CLPP: variants seen among roughly 807,000 people sequenced by gnomAD.
CLPP encodes ATP-dependent Clp protease proteolytic subunit, mitochondrial.
In CLPP, 14 loss-of-function variants were observed where a neutral mutation model predicts 27.4. The ratio of observed to expected loss-of-function variants is 0.51; its 90% confidence interval spans 0.34 to 0.80. The LOEUF (loss-of-function observed/expected upper bound fraction) is 0.80. CLPP is among the 30% of genes least tolerant of loss of function. CLPP has a pLI of 0.02. For missense variants in CLPP, 361 were observed against 403.6 expected (o/e 0.89, Z 0.90); for synonymous variants, 193 against 166.6 (o/e 1.16, Z -1.22).
At chr19:6,365,431 G>A (rs539654373) in intron 4 of CLPP, among the ~76,000 whole-genome samples, 11 of 152,114 alleles carry the variant, frequency 7.2e-5, no homozygotes, top group Admixed American at 2.0e-4. Context: ...CTGAGATTGC[G>A]CCACTGCACT....
At chr19:6,362,346 C>T in intron 2 of CLPP, 100 bp from the exon 3 acceptor site, 2 of 797,430 alleles carry the variant, frequency 2.5e-6, no homozygotes, top group Non-Finnish European at 4.3e-6. Flanking sequence ...TTACTTTGGG[C>T]TCTGGTCCCC....
rs1417548423 is a variant in CLPP, at chr19:6,366,350, C to T, written c.648C>T (p.Ser216=). Residue 216 remains serine, a synonymous_variant, in exon 5 of 6, where the codon AGC becomes AGT. Transcript: ENST00000245816. ...TCTACGCCAAGCACACCAAACAGAG[C>T]CTGCAGGTGATCGGTAAGCACCCTC... ...YNIYAKHTKQ[S]LQVIESAMER... 11 of 1,610,874 alleles carry T rather than the reference C, an allele frequency of 6.8e-6. No homozygotes were observed. Among genetic ancestry groups the T allele is most frequent in the Non-Finnish European group, 9.3e-6 (11 of 1,178,088 alleles).
chr19:6,367,832 A>T (rs1483663004), intron 5 of CLPP, among the ~76,000 whole-genome samples: 1 of 151,048 alleles, frequency 6.6e-6, no homozygotes, highest in African/African-American at 2.4e-5. Flanking sequence ...CCTCCCTAGT[A>T]GCTGGGATTA....
In CLPP at chr19:6,368,802, GA is replaced by G; in HGVS notation, c.*93del. 1 of 1,256,566 alleles carries G rather than the reference GA, an allele frequency of 8.0e-7. No homozygotes were observed. Among genetic ancestry groups the G allele is most frequent in the Non-Finnish European group, 1.1e-6 (1 of 919,514 alleles). The allele number at this position is 1,256,566 out of a possible 1,614,324, so 77.8% of individuals were successfully genotyped here. On this transcript the variant is annotated 3_prime_UTR_variant, in exon 6 of 6. Coordinates refer to ENST00000245816, the MANE Select transcript of CLPP (RefSeq NM_006012.4). The stretch of plus-strand genomic sequence containing the variant: ...TGCTCACCCCTTGTTGCTGGGCTTG[GA>G]GGGGCCTCTTGAGGAACTTTTAATT...
rs976491753 is a variant in CLPP, at chr19:6,362,271, C to A, written c.271-175C>A. On this transcript the variant is annotated intron_variant, in intron 2 of 5. Transcript: ENST00000245816. ...CTCCCCCCTTCCTGTGCTCCAAACC[C>A]CCTGGGTCCTCTCCACTACTCTCTC... 2.8e-5 allele frequency: 17 copies of A among 611,272 alleles called. No homozygotes were observed. The African/African-American group carries it at 2.8e-4, about 10-fold the overall frequency. 37.9% of individuals were successfully genotyped at this position (611,272 alleles called of 1,614,324 possible). A position where few individuals can be genotyped will look rare whatever the true frequency, so the allele number is the denominator to read the frequency against.
chr19:6,366,641 G>T lies in CLPP; in HGVS notation c.661+278G>T, dbSNP rs539821177. 3.0e-4 allele frequency among the ~76,000 whole-genome samples: 45 copies of T among 151,938 alleles called. 1 individual carries two copies. Among genetic ancestry groups the T allele is most frequent in the South Asian group, 8.3e-4 (4 of 4,806 alleles). ...GAGGTTACAGTGAGCTAATTTTTTT[G>T]TTTGTTTGTTTTTTTGAGACAAGGT... On this transcript the variant is annotated intron_variant, in intron 5 of 5. Transcript: ENST00000245816.
intron 3 of CLPP, among the ~76,000 whole-genome samples, chr19:6,363,857 T>C (rs1156385334): frequency 6.7e-6 from 1 of 149,106 alleles, no homozygotes; most frequent in Non-Finnish European, 1.5e-5. Context: ...ATCGCGCTAC[T>C]GCACTCCAGC....
intron 2 of CLPP, 100 bp downstream of exon 2, chr19:6,362,040 C>T (rs377582066): frequency 8.6e-7 from 1 of 1,161,354 alleles, no homozygotes; most frequent in Admixed American, 2.1e-5. Flanking sequence ...CCCTCAGGCT[C>T]CGCTCCCCTT....
Position 6,368,659 on chromosome 19 carries a change from G to A in CLPP, c.783G>A (p.Lys261=). ...AGGATGAGCCCACGCTGGTGCAGAA[G>A]GAGCCTGTAGAAGCAGCGCCGGCAG... ...DGEDEPTLVQ[K]EPVEAAPAAE... Residue 261 remains lysine, a synonymous_variant, in exon 6 of 6, where the codon AAG becomes AAA. Transcript: ENST00000245816. 2 of 1,595,070 alleles carry A rather than the reference G, an allele frequency of 1.3e-6. No individual in the cohort carries two copies. Among genetic ancestry groups the A allele is most frequent in the East Asian group, 2.3e-5 (1 of 43,674 alleles).
intron 2 of CLPP, chr19:6,362,204 G>A (rs1402085651): frequency 3.3e-6 from 2 of 599,008 alleles, no homozygotes; most frequent in Non-Finnish European, 5.9e-6. Context: ...ACTCTCCCCA[G>A]CCATTCTCAC....
rs2091874239 is a variant in CLPP at position 6,368,765 on chromosome 19, C to T, written c.*55C>T. On this transcript the variant is annotated 3_prime_UTR_variant, in exon 6 of 6. Coordinates refer to ENST00000245816, the MANE Select transcript of CLPP (RefSeq NM_006012.4). ...GAGGGGCCAGAGGCCTGCCAGACCC[C>T]CAGCTGGGCCCTGCTCACCCCTTGT... is the stretch of plus-strand genomic sequence containing the variant. 1 of 1,494,486 alleles carries T rather than the reference C, an allele frequency of 6.7e-7. No homozygotes were observed. The highest frequency in any genetic ancestry group is 1.2e-5 in the South Asian group (1 of 80,912). The allele number at this position is 1,494,486 out of a possible 1,614,324, so 92.6% of individuals were successfully genotyped here. A position where few individuals can be genotyped will look rare whatever the true frequency, so the allele number is the denominator to read the frequency against.
rs950416670 is a variant in CLPP at position 6,369,548 on chromosome 19, G to A, written c.*838G>A. On this transcript the variant is annotated 3_prime_UTR_variant, in exon 6 of 6. Coordinates refer to ENST00000245816, the MANE Select transcript of CLPP (RefSeq NM_006012.4). The stretch of plus-strand genomic sequence containing the variant: ...TTGAGCAAAGCCTCAAAGGAGGTGA[G>A]GGGTGGAGCCTGTGTCCAGGCAGAG... Among the ~76,000 whole-genome samples, 8 of 152,326 alleles carry A rather than the reference G, an allele frequency of 5.3e-5. No individual in the cohort carries two copies. The highest frequency in any genetic ancestry group is 4.1e-4 in the South Asian group (2 of 4,828).
chr19:6,368,783 C>T lies in CLPP; in HGVS notation c.*73C>T. On this transcript the variant is annotated 3_prime_UTR_variant, in exon 6 of 6. Transcript: ENST00000245816. ...CAGACCCCCAGCTGGGCCCTGCTCA[C>T]CCCTTGTTGCTGGGCTTGGAGGGGC... is the stretch of plus-strand genomic sequence containing the variant. 7.1e-7 allele frequency: 1 copy of T among 1,410,550 alleles called. No individual in the cohort carries two copies. The highest frequency in any genetic ancestry group is 9.6e-7 in the Non-Finnish European group (1 of 1,047,000). The allele number at this position is 1,410,550 out of a possible 1,614,324, so 87.4% of individuals were successfully genotyped here.
intron 5 of CLPP, among the ~76,000 whole-genome samples, chr19:6,367,194 G>A (rs1173159067): frequency 6.6e-6 from 1 of 151,962 alleles, no homozygotes; most frequent in East Asian, 1.9e-4. Context: ...GACCAACATG[G>A]TGAAACCCCG....
intron 4 of CLPP, 93 bp from the exon 5 acceptor site, chr19:6,366,165 C>T: frequency 1.3e-6 from 1 of 779,044 alleles, no homozygotes; most frequent in Non-Finnish European, 2.2e-6. Flanking sequence ...GCCCAAAGCC[C>T]AGGGAAGCTC....
In CLPP at chr19:6,364,444, G is replaced by T; in HGVS notation, c.368-8G>T. On this transcript the variant is annotated splice_region_variant and splice_polypyrimidine_tract_variant and intron_variant, in intron 3 of 5. Transcript: ENST00000245816. ...GGTCCAGCCCCTCACTTGCTCCCCCGCCCACAGGTGGTGTGGTGACCGCGG... is the reference window on the plus strand; with the variant it reads ...GGTCCAGCCCCTCACTTGCTCCCCCTCCCACAGGTGGTGTGGTGACCGCGG... 6.2e-7 allele frequency: 1 copy of T among 1,601,584 alleles called. No homozygotes were observed. Among genetic ancestry groups the T allele is most frequent in the Non-Finnish European group, 8.5e-7 (1 of 1,175,834 alleles).
intron 3 of CLPP, among the ~76,000 whole-genome samples, chr19:6,363,782 C>A (rs375070087): frequency 1.3e-5 from 2 of 151,422 alleles, no homozygotes; most frequent in South Asian, 2.1e-4. Context: ...TGTAATCCAG[C>A]TACTCGGGAG....
At chr19:6,365,964 C>G (rs77267680) in intron 4 of CLPP, among the ~76,000 whole-genome samples, 1 of 148,550 alleles carries the variant, frequency 6.7e-6, no homozygotes, top group Admixed American at 6.7e-5. Context: ...AAAAAAAAAA[C>G]AAAAAACAAA....
intron 5 of CLPP, 95 bp downstream of exon 5, chr19:6,366,458 C>T (rs1370664277): frequency 6.5e-6 from 6 of 920,588 alleles, no homozygotes; most frequent in Non-Finnish European, 1.0e-5. Flanking sequence ...TGCGGACTTT[C>T]AGGGCTGGAT....
Sources: gnomAD v4.1 joint callset for allele counts (sites outside exome capture counted in the v4.1 genomes callset) on GRCh38, gnomAD v4.1.1 for gene constraint, MANE v1.5 for transcripts, NCBI Gene and HGNC (gene_info 2026-07-23, HGNC 2026-07-21) for gene names.